The following TBC1D5 variants were observed in gnomAD, a reference collection of about 807,000 sequenced individuals.
The protein encoded by TBC1D5 is TBC1 domain family, member 5.
A neutral mutation model predicts 100.3 loss-of-function variants in TBC1D5; 75 were observed. The ratio of observed to expected loss-of-function variants is 0.75; its 90% CI spans 0.62 to 0.91. The LOEUF is 0.91. Among genes scored for constraint, TBC1D5 ranks in the 40% least tolerant of loss-of-function variants. The probability of loss-of-function intolerance (pLI) is 0.00; values close to 1 mark genes in which losing one functional copy is unlikely to be tolerated. For synonymous variants in TBC1D5, 323 were observed against 325.6 expected (o/e 0.99, Z 0.09); for missense variants, 910 against 942.4 (o/e 0.97, Z 0.45).
chr3:17,646,152 G>A (rs1031552614), intron 1 of TBC1D5, among the ~76,000 whole-genome samples: 2 of 152,046 alleles, frequency 1.3e-5, no homozygotes, highest in African/African-American at 4.8e-5. Context: ...GACACTCAGA[G>A]GGAAGATTAG....
At chr3:17,295,353 C>T (rs1348815095) in intron 14 of TBC1D5, among the ~76,000 whole-genome samples, 3 of 152,174 alleles carry the variant, frequency 2.0e-5, no homozygotes, top group Non-Finnish European at 4.4e-5. Context: ...TACAGGGTTT[C>T]TGTAAGAGTG....
chr3:17,506,497 A>C (rs571860753), intron 3 of TBC1D5, among the ~76,000 whole-genome samples: 2 of 152,300 alleles, frequency 1.3e-5, no homozygotes, highest in South Asian at 4.1e-4. Flanking sequence ...TTAGCTATCG[A>C]AAGTTTCTAT....
At position 17,467,085 on chromosome 3, in the gene TBC1D5, C is replaced by T. The variant is rs973801470; in HGVS notation, c.98-38566G>A. On this transcript the variant is annotated intron_variant, in intron 3 of 21. Coordinates refer to ENST00000253692, the Ensembl canonical transcript of TBC1D5. ...GTCTACTCTTATTTTTTCAGAAACC[C>T]GTCAAGAGTTCTCCTCCCCAATATT... Among the ~76,000 whole-genome samples the T allele has an allele frequency of 7.2e-5, 11 of 151,806 alleles. No homozygotes were observed. The East Asian group carries it at 9.7e-4, about 13-fold the overall frequency.
At chr3:17,244,920 T>C (rs1053010765) in intron 16 of TBC1D5, among the ~76,000 whole-genome samples, 6 of 150,444 alleles carry the variant, frequency 4.0e-5, no homozygotes, top group Admixed American at 2.0e-4. Flanking sequence ...GTGTGGTGGC[T>C]CAGTCCTGTA....
At chr3:17,192,866 C>G (rs2070135136) in intron 18 of TBC1D5, among the ~76,000 whole-genome samples, 1 of 152,260 alleles carries the variant, frequency 6.6e-6, no homozygotes, top group South Asian at 2.1e-4. Context: ...GTCCTCACTA[C>G]CAGGGAACAC....
chr3:17,290,094 T>C lies in TBC1D5; in HGVS notation c.1245+1801A>G, dbSNP rs530631594. 5.9e-5 allele frequency among the ~76,000 whole-genome samples: 9 copies of C among 152,356 alleles called. No homozygotes were observed. The East Asian group carries it at 1.5e-3, about 26-fold the overall frequency. On this transcript the variant is annotated intron_variant, in intron 15 of 21. Coordinates refer to ENST00000253692, the Ensembl canonical transcript of TBC1D5. ...CTCCCTCATCATGCCCAATTTATTA[T>C]GTCCCAGGAATATCAGTTTAAGGTC...
intron 14 of TBC1D5, among the ~76,000 whole-genome samples, chr3:17,296,516 A>G (rs1300709953): frequency 6.6e-6 from 1 of 152,250 alleles, no homozygotes; most frequent in Non-Finnish European, 1.5e-5. Flanking sequence ...CCAATGGACC[A>G]GAAAACAAGT....
chr3:17,530,507 C>G (rs1236615051), intron 2 of TBC1D5, among the ~76,000 whole-genome samples: 1 of 152,154 alleles, frequency 6.6e-6, no homozygotes, highest in African/African-American at 2.4e-5. Flanking sequence ...CCCTTTCTCT[C>G]ACAGACTCTT....
At chr3:17,614,584 C>G (rs1043486404) in intron 2 of TBC1D5, among the ~76,000 whole-genome samples, 2 of 152,148 alleles carry the variant, frequency 1.3e-5, no homozygotes, top group African/African-American at 2.4e-5. Flanking sequence ...TTGTAGTTCT[C>G]CTTGAAGAGA....
upstream of TBC1D5, among the ~76,000 whole-genome samples, chr3:17,741,187 C>G (rs780202984): frequency 6.6e-6 from 1 of 152,210 alleles, no homozygotes; most frequent in Non-Finnish European, 1.5e-5. Context: ...TCAAAATGCA[C>G]CATAGGCCTA....
At chr3:17,636,231 T>C (rs913981967) in intron 1 of TBC1D5, among the ~76,000 whole-genome samples, 1 of 151,974 alleles carries the variant, frequency 6.6e-6, no homozygotes, top group African/African-American at 2.4e-5. Context: ...AAACAGCATA[T>C]AAGCATATTG....
chr3:17,178,229 CT>C (rs1264414048), intron 19 of TBC1D5, among the ~76,000 whole-genome samples: 1 of 152,008 alleles, frequency 6.6e-6, no homozygotes, highest in Non-Finnish European at 1.5e-5. Flanking sequence ...CCACGCCTGG[CT>C]AATTTTTTGT....
chr3:17,393,259 C>T (rs184337311), intron 8 of TBC1D5, among the ~76,000 whole-genome samples: 136 of 151,998 alleles, frequency 8.9e-4, no homozygotes, highest in Non-Finnish European at 1.6e-3. Flanking sequence ...GGGAGTACAA[C>T]TTACAAGGGA....
intron 19 of TBC1D5, among the ~76,000 whole-genome samples, chr3:17,176,484 G>T (rs994160045): frequency 7.2e-5 from 11 of 152,302 alleles, no homozygotes; most frequent in Admixed American, 5.9e-4. Context: ...ATAATTGTTA[G>T]AAATGATCAG....
chr3:17,559,406 A>T (rs1439227866), intron 2 of TBC1D5, among the ~76,000 whole-genome samples: 1 of 152,114 alleles, frequency 6.6e-6, no homozygotes, highest in East Asian at 1.9e-4. Flanking sequence ...CTCCCACCAA[A>T]ATGCTGGTAT....
chr3:17,292,507 T>C (rs1171974175), intron 14 of TBC1D5, among the ~76,000 whole-genome samples: 1 of 152,212 alleles, frequency 6.6e-6, no homozygotes, highest in Non-Finnish European at 1.5e-5. Flanking sequence ...TAATTATTTG[T>C]TTTTCTAAAG....
chr3:17,584,943 A>G (rs988148060), intron 2 of TBC1D5, among the ~76,000 whole-genome samples: 1 of 152,198 alleles, frequency 6.6e-6, no homozygotes, highest in African/African-American at 2.4e-5. Flanking sequence ...GGCGTGAGCC[A>G]CTGTGCCCAG....
chr3:17,600,585 G>A (rs893135328), intron 2 of TBC1D5, among the ~76,000 whole-genome samples: 14 of 152,224 alleles, frequency 9.2e-5, no homozygotes, highest in African/African-American at 3.1e-4. Flanking sequence ...AAAAATGTTC[G>A]ATGAGGTTAA....
At chr3:17,378,166 A>G (rs1315658072) in intron 9 of TBC1D5, among the ~76,000 whole-genome samples, 1 of 151,924 alleles carries the variant, frequency 6.6e-6, no homozygotes, top group Admixed American at 6.6e-5. Flanking sequence ...ACAAAAACCA[A>G]AAGTTAAGAA....
Sources: allele counts gnomAD v4.1 joint callset (sites outside exome capture counted in the v4.1 genomes callset), GRCh38; gene constraint gnomAD v4.1.1; transcripts MANE v1.5; gene names NCBI Gene and HGNC (gene_info 2026-07-23, HGNC 2026-07-21).